Variants in PLCH2 observed in about 807,000 individuals in gnomAD.
PLCH2 encodes phospholipase C eta 2.
A neutral mutation model predicts 134.7 loss-of-function variants in PLCH2; 98 were observed. The observed-to-expected ratio is 0.73, with a 90% CI of 0.62 to 0.86. The LOEUF is 0.86. Among genes scored for constraint, PLCH2 ranks in the 40% least tolerant of loss-of-function variants. The probability of loss-of-function intolerance (pLI) is 0.00; values close to 1 mark genes in which losing one functional copy is unlikely to be tolerated. For missense variants in PLCH2, 1,994 were observed against 1,986.6 expected, an observed-to-expected ratio of 1.00 and a Z score of -0.07; for synonymous variants, 974 against 827.5, an observed-to-expected ratio of 1.18 and a Z score of -3.04.
rs1558028585 is a variant in PLCH2 at position 2,497,616 on chromosome 1, CACTCGGACACTCAGG to C, written c.2224+8_2224+22del. On this transcript the variant is annotated splice_region_variant and intron_variant, in intron 16 of 21. Transcript: ENST00000378486. ...CCTGGGTGCATGTGCCAGGGTGAGG[CACTCGGACACTCAGG>C]GCTCGGACGCTCAGGGCTCGGATGG... The C allele has an allele frequency of 3.9e-6, 6 of 1,533,988 alleles. No homozygotes were observed. Among genetic ancestry groups the C allele is most frequent in the African/African-American group, 1.4e-5 (1 of 72,824 alleles).
upstream of PLCH2, among the ~76,000 whole-genome samples, chr1:2,475,830 C>T (rs529227530): frequency 6.6e-5 from 10 of 152,256 alleles, no homozygotes; most frequent in South Asian, 2.1e-4. Flanking sequence ...GTAAGGGATC[C>T]GGCTCGGCTC....
At chr1:2,433,182 G>A (rs570689567) in intron 2 of PLCH2, among the ~76,000 whole-genome samples, 6 of 152,358 alleles carry the variant, frequency 3.9e-5, no homozygotes, top group African/African-American at 1.2e-4. Flanking sequence ...TCCCCTTCCA[G>A]ATTGGCTCCC....
chr1:2,452,232 G>C (rs1346450404), intron 2 of PLCH2, among the ~76,000 whole-genome samples: 2 of 152,218 alleles, frequency 1.3e-5, no homozygotes, highest in African/African-American at 2.4e-5. Flanking sequence ...GGATGCTGGA[G>C]CTTCAGGGAG....
chr1:2,446,316 C>T (rs1232504902), intron 2 of PLCH2, among the ~76,000 whole-genome samples: 1 of 152,250 alleles, frequency 6.6e-6, no homozygotes, highest in Non-Finnish European at 1.5e-5. Flanking sequence ...CATTGCCACT[C>T]ACCCCCCTAT....
upstream of PLCH2, chr1:2,467,451 A>G (rs2477694): frequency 4.3e-4 from 58 of 135,284 alleles, no homozygotes; most frequent in Non-Finnish European, 5.6e-4. Flanking sequence ...CGCCTTCCTC[A>G]CCTTCCTCAC....
At chr1:2,417,907 G>T in the PLCH2 span, among the ~76,000 whole-genome samples, 1 of 152,320 alleles carries the variant, frequency 6.6e-6, no homozygotes, top group Admixed American at 6.5e-5. Context: ...CCTGCCTCCC[G>T]GGTTATGAGA....
At chr1:2,494,823 C>T (rs763708349) in intron 11 of PLCH2, 33 bp from the exon 12 acceptor site, 3 of 1,494,102 alleles carry the variant, frequency 2.0e-6, no homozygotes, top group East Asian at 2.3e-5. Context: ...CAAGGCTAGA[C>T]TCACCTTGTC....
intron 10 of PLCH2, among the ~76,000 whole-genome samples, chr1:2,490,492 C>A (rs1212273211): frequency 8.9e-6 from 1 of 112,328 alleles, no homozygotes; most frequent in Non-Finnish European, 2.0e-5. Flanking sequence ...CGCCGATCTC[C>A]TCTCCTCTGG....
intron 2 of PLCH2, among the ~76,000 whole-genome samples, chr1:2,478,915 A>G (rs578207982): frequency 1.0e-3 from 158 of 152,218 alleles, no homozygotes; most frequent in African/African-American, 3.5e-3. Flanking sequence ...TAGTCCATCT[A>G]GCTGGGGAGG....
At chr1:2,479,548 G>C (rs956063933) in intron 2 of PLCH2, 186 bp from the exon 3 acceptor site, 10 of 600,332 alleles carry the variant, frequency 1.7e-5, no homozygotes, top group Non-Finnish European at 2.6e-5. Context: ...GGTCAGCAGT[G>C]GGGGGCTGTG....
chr1:2,455,785 G>A (rs1276699322), intron 2 of PLCH2, among the ~76,000 whole-genome samples: 1 of 152,142 alleles, frequency 6.6e-6, no homozygotes, highest in Non-Finnish European at 1.5e-5. Context: ...GCCACCGGGA[G>A]CCCCTCGGGC....
At position 2,505,158 on chromosome 1, in the gene PLCH2, G is replaced by A. The variant is rs759145079; in HGVS notation, c.4196G>A (p.Gly1399Glu). 5 of 1,566,012 alleles carry A rather than the reference G, an allele frequency of 3.2e-6. No individual in the cohort carries two copies. Among genetic ancestry groups the A allele is most frequent in the South Asian group, 2.3e-5 (2 of 86,252 alleles). Reference sequence around the variant, plus strand: ...GTGGATGCACCAGCACCCTCCAAGGGAGCCCTCGGGCCAGCATCCGCGGCT... The same window carrying A: ...GTGGATGCACCAGCACCCTCCAAGGAAGCCCTCGGGCCAGCATCCGCGGCT... Reference protein sequence around the residue: ...GSVDAPAPSKGALGPASAAAE... With the variant: ...GSVDAPAPSKEALGPASAAAE... Residue 1399 changes from glycine (G) to glutamate (E), a missense_variant, in exon 22 of 22, where the codon GGA (glycine) becomes GAA (glutamate). By Grantham distance (98) the Gly-to-Glu change is moderately conservative. Coordinates refer to ENST00000378486, the MANE Select transcript of PLCH2 (RefSeq NM_014638.4).
At chr1:2,435,423 G>A (rs368301851) in intron 2 of PLCH2, among the ~76,000 whole-genome samples, 1 of 152,060 alleles carries the variant, frequency 6.6e-6, no homozygotes, top group African/African-American at 2.4e-5. Context: ...GGTAGTCAGA[G>A]GGCACCAGCA....
At position 2,487,623 on chromosome 1, in the gene PLCH2, G is replaced by C; in HGVS notation, c.1140G>C (p.Gly380=). ...VEVDCWDGPD[G]EPIVHHGYTL... ...TGGACTGCTGGGATGGGCCCGACGG[G>C]GAGCCCATTGTGCACCATGGCTACA... The change falls in exon 8 of 22, where the codon GGG becomes GGC. Residue 380 remains glycine (G), a synonymous_variant. Coordinates refer to ENST00000378486, the MANE Select transcript of PLCH2 (RefSeq NM_014638.4). The C allele has an allele frequency of 6.2e-7, 1 of 1,613,234 alleles. No individual in the cohort carries two copies. Among genetic ancestry groups the C allele is most frequent in the African/African-American group, 1.3e-5 (1 of 75,064 alleles).
At chr1:2,489,085 G>A in intron 8 of PLCH2, 122 bp from the exon 9 acceptor site, 1 of 870,808 alleles carries the variant, frequency 1.1e-6, no homozygotes, top group Non-Finnish European at 1.8e-6. Context: ...AGCTATCCTG[G>A]GTTCCTGGTG....
In PLCH2 at chr1:2,484,500, C is replaced by A. The variant is rs752481428; in HGVS notation, c.698C>A (p.Ala233Asp). Reference protein sequence around the residue: ...QGTLGFEEFCAFYKMMSTRRD... With the variant: ...QGTLGFEEFCDFYKMMSTRRD... ...ACGCTGGGTTTTGAAGAGTTCTGTG[C>A]CTTCTACAAGATGATGTCCACCCGC... The change falls in exon 5 of 22, where the codon GCC becomes GAC. Residue 233 changes from alanine to aspartate, a missense_variant. This residue lies in a region of PLCH2 where 1,094 missense variants were observed against 1,234.3 expected (regional missense o/e 0.89). Transcript: ENST00000378486. The A allele has an allele frequency of 6.2e-7, 1 of 1,613,358 alleles. No homozygotes were observed. The highest frequency in any genetic ancestry group is 8.5e-7 in the Non-Finnish European group (1 of 1,179,780).
In PLCH2 at chr1:2,498,515, C is replaced by A. The variant is rs1043165706; in HGVS notation, c.2225-8C>A. 1.2e-6 allele frequency: 2 copies of A among 1,603,618 alleles called. No homozygotes were observed. Among genetic ancestry groups the A allele is most frequent in the East Asian group, 2.2e-5 (1 of 44,648 alleles). On this transcript the variant is annotated splice_region_variant and splice_polypyrimidine_tract_variant and intron_variant, in intron 16 of 21. Coordinates refer to ENST00000378486, the MANE Select transcript of PLCH2 (RefSeq NM_014638.4). The surrounding 1 kb of genome is among the most constrained non-coding windows in gnomAD (Gnocchi z 5.4). ...GGGCCACTGACCACCTCCCCGGCAT[C>A]CCCTCAGGCGTGTTCAACCCCAACT...
At chr1:2,452,377 G>C (rs985098810) in intron 2 of PLCH2, among the ~76,000 whole-genome samples, 12 of 152,218 alleles carry the variant, frequency 7.9e-5, no homozygotes, top group Non-Finnish European at 2.9e-5. Context: ...CCGTCCTGGA[G>C]TGAGCCCCGT....
chr1:2,499,740 A>T lies in PLCH2; in HGVS notation c.2661+20A>T. 6.5e-7 allele frequency: 1 copy of T among 1,546,248 alleles called. No individual in the cohort carries two copies. The highest frequency in any genetic ancestry group is 8.8e-7 in the Non-Finnish European group (1 of 1,139,854). On this transcript the variant is annotated intron_variant, in intron 20 of 21. Coordinates refer to ENST00000378486, the MANE Select transcript of PLCH2 (RefSeq NM_014638.4). ...GGTAAGGTGAGTGTCACCCCCTGCC[A>T]CCAGCCATCATGGGGAGGGGCCACA...
Sources: gnomAD v4.1 joint callset for allele counts (sites outside exome capture counted in the v4.1 genomes callset) on GRCh38, gnomAD v4.1.1 for gene constraint, gnomAD v4.1.1 regional missense constraint, Gnocchi (gnomAD v3.1) non-coding constraint, MANE v1.5 for transcripts, NCBI Gene and HGNC (gene_info 2026-07-23, HGNC 2026-07-21) for gene names.